CNTN5: variants seen among roughly 807,000 people sequenced by gnomAD.
CNTN5 encodes the protein contactin 5, also known as contactin-5.
A neutral mutation model predicts 129.1 loss-of-function variants in CNTN5; 77 were observed. The ratio of observed to expected loss-of-function variants is 0.60; its 90% CI spans 0.50 to 0.72. The LOEUF (loss-of-function observed/expected upper bound fraction) is 0.72. Among genes scored for constraint, CNTN5 ranks in the 30% least tolerant of loss-of-function variants. CNTN5 has a pLI of 0.00. For synonymous variants in CNTN5, 509 were observed against 465.6 expected, an observed-to-expected ratio of 1.09 and a Z score of -1.20; for missense variants, 1,478 against 1,328.8, an observed-to-expected ratio of 1.11 and a Z score of -1.75.
intron 1 of CNTN5, among the ~76,000 whole-genome samples, chr11:99,087,581 A>G (rs959349858): frequency 1.3e-5 from 2 of 152,202 alleles, no homozygotes; most frequent in African/African-American, 4.8e-5. Flanking sequence ...CCACCGTCAT[A>G]CATTTAATCC....
At chr11:99,843,672 A>T (rs1057430791) in intron 4 of CNTN5, among the ~76,000 whole-genome samples, 4 of 152,040 alleles carry the variant, frequency 2.6e-5, no homozygotes, top group Non-Finnish European at 5.9e-5. Flanking sequence ...TTATTATTAC[A>T]CATTGGAGAG....
intron 1 of CNTN5, among the ~76,000 whole-genome samples, chr11:99,120,828 A>G (rs1462936495): frequency 1.3e-5 from 2 of 152,146 alleles, no homozygotes; most frequent in African/African-American, 4.8e-5. Context: ...CTAAATCTTG[A>G]ATTTTCTCAA....
chr11:99,658,905 A>AAC (rs1952490786), intron 3 of CNTN5, among the ~76,000 whole-genome samples: 1 of 146,648 alleles, frequency 6.8e-6, no homozygotes, highest in Non-Finnish European at 1.5e-5. Flanking sequence ...AAAAAAAAAA[A>AAC]GAAAAAGAAA....
chr11:99,462,816 G>A (rs1203640860), intron 2 of CNTN5, among the ~76,000 whole-genome samples: 2 of 152,108 alleles, frequency 1.3e-5, no homozygotes, highest in African/African-American at 2.4e-5. Context: ...TCGGCACGAC[G>A]GCTCATGCCT....
At chr11:99,999,104 T>C (rs1036459877) in intron 8 of CNTN5, among the ~76,000 whole-genome samples, 14 of 152,016 alleles carry the variant, frequency 9.2e-5, no homozygotes, top group African/African-American at 3.4e-4. Flanking sequence ...GGGCAAGGAC[T>C]TCATGTCTAA....
intron 1 of CNTN5, among the ~76,000 whole-genome samples, chr11:99,038,663 C>A (rs972326728): frequency 1.3e-5 from 2 of 152,024 alleles, no homozygotes; most frequent in Non-Finnish European, 2.9e-5. Flanking sequence ...TCTGCTGAAA[C>A]ATGAACAAAT....
At chr11:99,436,069 T>C (rs1943587910) in intron 2 of CNTN5, among the ~76,000 whole-genome samples, 1 of 152,176 alleles carries the variant, frequency 6.6e-6, no homozygotes. Flanking sequence ...CATGATCTCA[T>C]ATTACAACGC....
At chr11:99,394,086 C>A (rs993006277) in intron 2 of CNTN5, among the ~76,000 whole-genome samples, 1 of 151,596 alleles carries the variant, frequency 6.6e-6, no homozygotes, top group South Asian at 2.1e-4. Flanking sequence ...ATGTGAAGTA[C>A]CCTCTTTATT....
chr11:99,204,946 G>A (rs1159498461), intron 1 of CNTN5, among the ~76,000 whole-genome samples: 1 of 152,110 alleles, frequency 6.6e-6, no homozygotes, highest in Non-Finnish European at 1.5e-5. Flanking sequence ...ATATTGATCC[G>A]AGTGTTGGGT....
intron 3 of CNTN5, among the ~76,000 whole-genome samples, chr11:99,615,315 T>A (rs2135743507): frequency 6.6e-6 from 1 of 152,194 alleles, no homozygotes; most frequent in Admixed American, 6.5e-5. Context: ...ATTTTTACCA[T>A]CAAAATTACA....
intron 1 of CNTN5, among the ~76,000 whole-genome samples, chr11:99,088,203 C>T (rs1360266355): frequency 1.3e-5 from 2 of 152,236 alleles, no homozygotes; most frequent in South Asian, 2.1e-4. Flanking sequence ...CTATGTTCTC[C>T]TAGTGCACTC....
chr11:100,275,945 C>T (rs1412863208), intron 18 of CNTN5, among the ~76,000 whole-genome samples: 1 of 152,170 alleles, frequency 6.6e-6, no homozygotes, highest in East Asian at 1.9e-4. Context: ...GAGACATCCT[C>T]TCAAATGATG....
chr11:100,161,852 CACACACACACACACACACACAA>C (rs1188079263), intron 13 of CNTN5, among the ~76,000 whole-genome samples: 3 of 149,448 alleles, frequency 2.0e-5, no homozygotes, highest in Non-Finnish European at 3.0e-5. Context: ...CACACACACA[CACACACACACACACACACACAA>C]AACAAAAAAC....
At chr11:100,111,860 A>T (rs1292619779) in intron 13 of CNTN5, among the ~76,000 whole-genome samples, 1 of 152,074 alleles carries the variant, frequency 6.6e-6, no homozygotes, top group Non-Finnish European at 1.5e-5. Flanking sequence ...ACTATTTTGG[A>T]TATTTCATGT....
At chr11:99,601,273 A>G (rs1039212532) in intron 3 of CNTN5, among the ~76,000 whole-genome samples, 4 of 152,220 alleles carry the variant, frequency 2.6e-5, no homozygotes, top group African/African-American at 7.2e-5. Flanking sequence ...CTCAAAAAAT[A>G]TAGTCCTTTC....
chr11:99,301,817 C>A (rs912628774), intron 1 of CNTN5, among the ~76,000 whole-genome samples: 24 of 151,666 alleles, frequency 1.6e-4, no homozygotes, highest in Middle Eastern at 3.4e-3. Context: ...TCTAGATAGA[C>A]CGTAAGTTAG....
intron 2 of CNTN5, among the ~76,000 whole-genome samples, chr11:99,352,735 T>C (rs1938383381): frequency 1.3e-5 from 2 of 152,176 alleles, no homozygotes; most frequent in African/African-American, 4.8e-5. Context: ...CTTTCCAAGA[T>C]TGTCTGGGAC....
chr11:100,260,468 C>T (rs1477813950), intron 17 of CNTN5, among the ~76,000 whole-genome samples: 1 of 152,090 alleles, frequency 6.6e-6, no homozygotes, highest in African/African-American at 2.4e-5. Context: ...ATCCTGATAC[C>T]AAAACCTGAC....
At chr11:99,639,559 G>GTTT (rs71050010) in intron 3 of CNTN5, among the ~76,000 whole-genome samples, 22,910 of 70,370 alleles carry the variant, frequency 0.33, 4,934 homozygotes, top group Non-Finnish European at 0.37. Flanking sequence ...TCACCTTTAT[G>GTTT]TTTTTTTTTT....
Sources: allele counts gnomAD v4.1 joint callset (sites outside exome capture counted in the v4.1 genomes callset), GRCh38; gene constraint gnomAD v4.1.1; transcripts MANE v1.5; gene names NCBI Gene and HGNC (gene_info 2026-07-23, HGNC 2026-07-21).